The following SS18 variants were observed in gnomAD, a reference collection of about 807,000 sequenced individuals.
The protein encoded by SS18 is SS18 subunit of BAF chromatin remodeling complex, also known as protein SSXT.
A neutral mutation model predicts 72.5 loss-of-function variants in SS18; 28 were observed. The ratio of observed to expected loss-of-function variants is 0.39; its 90% confidence interval spans 0.29 to 0.53. SS18 has a LOEUF of 0.53. Among genes scored for constraint, SS18 ranks in the 20% least tolerant of loss-of-function variants. The probability of loss-of-function intolerance (pLI) is 0.76; values close to 1 mark genes in which losing one functional copy is unlikely to be tolerated. For missense variants in SS18, 518 were observed against 535.3 expected, an observed-to-expected ratio of 0.97 and a Z score of 0.32; for synonymous variants, 172 against 164.2, an observed-to-expected ratio of 1.05 and a Z score of -0.37.
At chr18:26,049,725 A>T (rs985328638) in intron 5 of SS18, among the ~76,000 whole-genome samples, 1 of 152,180 alleles carries the variant, frequency 6.6e-6, no homozygotes, top group Non-Finnish European at 1.5e-5. Flanking sequence ...CATCTTGCCC[A>T]GGCTGGTCTT....
intron 1 of SS18, among the ~76,000 whole-genome samples, chr18:26,089,115 C>A (rs890744243): frequency 6.6e-6 from 1 of 152,124 alleles, no homozygotes; most frequent in Non-Finnish European, 1.5e-5. Context: ...TAATTTAGAG[C>A]CCATTTTTCT....
chr18:26,069,507 T>TAAAAAA (rs11329781), intron 3 of SS18, among the ~76,000 whole-genome samples: 97 of 84,548 alleles, frequency 1.1e-3, no homozygotes, highest in Non-Finnish European at 1.9e-3. Context: ...CCTACCAAAG[T>TAAAAAA]AAAAAAAAAA....
intron 3 of SS18, among the ~76,000 whole-genome samples, chr18:26,063,432 T>C (rs912899815): frequency 6.6e-6 from 1 of 152,106 alleles, no homozygotes; most frequent in South Asian, 2.1e-4. Flanking sequence ...GGCAGGACAA[T>C]GGTGTGAACC....
At chr18:26,047,422 A>C (rs2143944413) in intron 5 of SS18, among the ~76,000 whole-genome samples, 1 of 152,252 alleles carries the variant, frequency 6.6e-6, no homozygotes, top group African/African-American at 2.4e-5. Context: ...GTAATTAGTA[A>C]ATCTATTAAT....
chr18:26,042,543 T>G (rs977234934), intron 5 of SS18, among the ~76,000 whole-genome samples: 1 of 151,968 alleles, frequency 6.6e-6, no homozygotes, highest in Admixed American at 6.6e-5. Flanking sequence ...TTTAAACACA[T>G]GTAAAAACCT....
intron 3 of SS18, among the ~76,000 whole-genome samples, chr18:26,062,053 G>A (rs1299340451): frequency 6.6e-6 from 1 of 152,170 alleles, no homozygotes; most frequent in South Asian, 2.1e-4. Flanking sequence ...TTGAGGCCAG[G>A]AGATCGAGGC....
chr18:26,072,783 C>T (rs1228296324), intron 3 of SS18, among the ~76,000 whole-genome samples: 1 of 111,962 alleles, frequency 8.9e-6, no homozygotes. Context: ...GGCAACAGAG[C>T]GAGACTCCGT....
intron 1 of SS18, among the ~76,000 whole-genome samples, chr18:26,089,394 T>C (rs559255142): frequency 2.0e-5 from 3 of 152,290 alleles, no homozygotes; most frequent in African/African-American, 7.2e-5. Context: ...CGTTTGTTCA[T>C]AAAATAAAGC....
intron 3 of SS18, among the ~76,000 whole-genome samples, chr18:26,065,320 CAATA>C (rs149382039): frequency 0.02 from 3,060 of 152,184 alleles, 86 homozygotes; most frequent in African/African-American, 0.07. Context: ...TCACAAGCTA[CAATA>C]AATAAGACAT....
intron 3 of SS18, among the ~76,000 whole-genome samples, chr18:26,065,824 T>TATATATATATA (rs10527527): frequency 5.5e-4 from 75 of 136,668 alleles, no homozygotes; most frequent in African/African-American, 9.5e-4. Flanking sequence ...TATATATATA[T>TATATATATATA]GATCATTTTA....
intron 5 of SS18, among the ~76,000 whole-genome samples, chr18:26,050,539 A>G (rs2143965720): frequency 6.6e-6 from 1 of 152,288 alleles, no homozygotes; most frequent in East Asian, 1.9e-4. Flanking sequence ...ATTAAAAGGT[A>G]ACATATAATT....
intron 10 of SS18, among the ~76,000 whole-genome samples, chr18:26,032,165 AT>A (rs1476932486): frequency 1.3e-5 from 2 of 152,134 alleles, no homozygotes; most frequent in African/African-American, 4.8e-5. Context: ...CAGAATATAT[AT>A]GTTGTTGTCT....
At chr18:26,057,363 G>A (rs2054039236) in intron 4 of SS18, among the ~76,000 whole-genome samples, 1 of 152,156 alleles carries the variant, frequency 6.6e-6, no homozygotes, top group South Asian at 2.1e-4. Context: ...AGCCAGTTCT[G>A]TTCATCAGAG....
intron 2 of SS18, among the ~76,000 whole-genome samples, chr18:26,084,531 T>A (rs968470817): frequency 2.8e-5 from 4 of 143,896 alleles, no homozygotes; most frequent in Non-Finnish European, 6.4e-5. Flanking sequence ...AAAGTTATGA[T>A]ACCACCTTAG....
intron 10 of SS18, among the ~76,000 whole-genome samples, chr18:26,018,939 G>A (rs2053296249): frequency 6.6e-6 from 1 of 151,992 alleles, no homozygotes. Flanking sequence ...TATTTAGACA[G>A]GCCACAGGGA....
chr18:26,071,450 A>G (rs1444241246), intron 3 of SS18, among the ~76,000 whole-genome samples: 1 of 152,248 alleles, frequency 6.6e-6, no homozygotes, highest in African/African-American at 2.4e-5. Flanking sequence ...TTCAATAGAT[A>G]CAAGACAGAA....
chr18:26,039,476 T>C lies in SS18; in HGVS notation c.608-20A>G. On this transcript the variant is annotated intron_variant, in intron 5 of 10. Transcript: ENST00000415083. ...TTGGACCTGAAACAAGACACAACAT[T>C]ATACACATAATTTTTTGTATATAAC... 1.3e-6 allele frequency: 2 copies of C among 1,575,354 alleles called. No individual in the cohort carries two copies. The highest frequency in any genetic ancestry group is 1.7e-6 in the Non-Finnish European group (2 of 1,155,982).
At chr18:26,090,927 G>T (rs1025597961), upstream of SS18, 3 of 358,456 alleles carry the variant, frequency 8.4e-6, no homozygotes, top group Non-Finnish European at 1.5e-5. Flanking sequence ...GGGAGAAGGA[G>T]AGGCTGGGGC....
chr18:26,067,313 T>C (rs1026693501), intron 3 of SS18, among the ~76,000 whole-genome samples: 2 of 152,212 alleles, frequency 1.3e-5, no homozygotes, highest in African/African-American at 4.8e-5. Context: ...GGAAGAACTC[T>C]GAGATGACCA....
Sources: gnomAD v4.1 joint callset for allele counts (sites outside exome capture counted in the v4.1 genomes callset) on GRCh38, gnomAD v4.1.1 for gene constraint, MANE v1.5 for transcripts, NCBI Gene and HGNC (gene_info 2026-07-23, HGNC 2026-07-21) for gene names.